Variants in MECOM observed in about 807,000 individuals in gnomAD.
MECOM encodes the protein MDS1 and EVI1 complex locus, also known as histone-lysine N-methyltransferase MECOM.
A neutral mutation model predicts 116.3 loss-of-function variants in MECOM; 13 were observed. The ratio of observed to expected loss-of-function variants is 0.11; its 90% confidence interval spans 0.07 to 0.18. The LOEUF (loss-of-function observed/expected upper bound fraction) is 0.18, where lower values mean the gene tolerates loss of function less well. MECOM is among the 10% of genes least tolerant of loss of function. The pLI, the probability that MECOM is intolerant of heterozygous loss-of-function variation, is 1.00. For missense variants in MECOM, 1,299 were observed against 1,509.0 expected (o/e 0.86, Z 2.31); for synonymous variants, 528 against 535.2 (o/e 0.99, Z 0.19).
chr3:169,401,368 T>C (rs980279374), intron 1 of MECOM, among the ~76,000 whole-genome samples: 2 of 148,696 alleles, frequency 1.3e-5, no homozygotes, highest in Admixed American at 1.3e-4. Context: ...GGTAAAATCA[T>C]CTCCAAGAGT....
chr3:169,344,878 G>A (rs1725088500), intron 2 of MECOM, among the ~76,000 whole-genome samples: 1 of 152,128 alleles, frequency 6.6e-6, no homozygotes, highest in Non-Finnish European at 1.5e-5. Flanking sequence ...ACAGCCAGAG[G>A]AAGAGGAAGA....
At chr3:169,398,083 C>A (rs1286489602) in intron 1 of MECOM, among the ~76,000 whole-genome samples, 1 of 152,120 alleles carries the variant, frequency 6.6e-6, no homozygotes, top group Non-Finnish European at 1.5e-5. Context: ...AAATGATATT[C>A]TTGGGACTGT....
At chr3:169,289,360 C>T (rs1714038142) in intron 2 of MECOM, among the ~76,000 whole-genome samples, 2 of 152,138 alleles carry the variant, frequency 1.3e-5, no homozygotes, top group Non-Finnish European at 2.9e-5. Flanking sequence ...TCATTGCCCA[C>T]TAATAGAGTA....
rs749226344 is a variant in MECOM at position 169,381,297 on chromosome 3, C to T, written c.265G>A (p.Gly89Arg). Residue 89 changes from glycine to arginine, a missense_variant, in exon 2 of 17, where the codon GGG (glycine) becomes AGG (arginine). Physicochemically the swap from Gly to Arg is moderately radical, Grantham distance 125. This residue lies in a region of MECOM where 374 missense variants were observed against 433.4 expected (regional missense o/e 0.86). Transcript: ENST00000651503. ...EFELRESNMP[G>R]AGLGIWTKRK... ...TTGGTCCATATTCCTAGTCCTGCCC[C>T]AGGCATATTTGACTCTCGAAGTTCA... The T allele has an allele frequency of 7.4e-6, 12 of 1,613,766 alleles. No homozygotes were observed. The South Asian group carries it at 1.2e-4, about 16-fold the overall frequency.
chr3:169,626,198 G>C (rs1473078557), intron 1 of MECOM, among the ~76,000 whole-genome samples: 4 of 152,174 alleles, frequency 2.6e-5, no homozygotes, highest in Admixed American at 1.3e-4. Flanking sequence ...GTATCTGTTT[G>C]CATTTGTGGT....
chr3:169,087,588 C>A lies in MECOM; in HGVS notation c.3585+1412G>T, dbSNP rs149250370. Among the ~76,000 whole-genome samples, 612 of 152,086 alleles carry A rather than the reference C, an allele frequency of 4.0e-3. 3 individuals are homozygous for A. Among genetic ancestry groups the A allele is most frequent in the South Asian group, 0.017 (80 of 4,816 alleles). ...CTCCAGTCTTAGCAGCTGAGTGAGA[C>A]CCTGTCTCAAAAACAAAGAAACAAG... is the stretch of plus-strand genomic sequence containing the variant. On this transcript the variant is annotated intron_variant, in intron 16 of 16. Transcript: ENST00000651503.
At chr3:169,109,588 T>C (rs922933639) in intron 9 of MECOM, among the ~76,000 whole-genome samples, 6 of 152,090 alleles carry the variant, frequency 3.9e-5, no homozygotes, top group Non-Finnish European at 7.4e-5. Flanking sequence ...CTAAATTTTT[T>C]TGTATTTAGT....
intron 1 of MECOM, among the ~76,000 whole-genome samples, chr3:169,602,156 G>T (rs190451594): frequency 6.6e-6 from 1 of 152,274 alleles, no homozygotes; most frequent in East Asian, 1.9e-4. Context: ...TTTGAATGGT[G>T]GTTTAAGTAA....
chr3:169,259,570 A>T (rs1198107841), intron 2 of MECOM, among the ~76,000 whole-genome samples: 2 of 151,562 alleles, frequency 1.3e-5, no homozygotes, highest in African/African-American at 2.4e-5. Flanking sequence ...AAAAATAATT[A>T]AAAAAAAATT....
intron 2 of MECOM, among the ~76,000 whole-genome samples, chr3:169,237,854 C>T (rs1489153319): frequency 6.6e-6 from 1 of 152,044 alleles, no homozygotes; most frequent in Non-Finnish European, 1.5e-5. Flanking sequence ...TACTTAACTT[C>T]ACAAATTTTC....
intron 2 of MECOM, among the ~76,000 whole-genome samples, chr3:169,299,859 A>AT (rs112743939): frequency 1.3e-5 from 2 of 152,104 alleles, no homozygotes; most frequent in Non-Finnish European, 2.9e-5. Flanking sequence ...AAATTGCATA[A>AT]TTTTTTTTAC....
intron 2 of MECOM, among the ~76,000 whole-genome samples, chr3:169,327,728 C>G (rs1475166925): frequency 6.6e-6 from 1 of 151,616 alleles, no homozygotes; most frequent in Non-Finnish European, 1.5e-5. Context: ...CTGCATATAT[C>G]TTTGGCAATG....
intron 2 of MECOM, among the ~76,000 whole-genome samples, chr3:169,349,647 C>T (rs1293636011): frequency 1.3e-5 from 2 of 151,914 alleles, no homozygotes; most frequent in Non-Finnish European, 2.9e-5. Context: ...AAAAGAAGAC[C>T]TGTATATTTC....
chr3:169,133,898 A>G, intron 3 of MECOM: 1 of 1,286,306 alleles, frequency 7.8e-7, no homozygotes, highest in Non-Finnish European at 1.0e-6. Context: ...ACTTCTCTCA[A>G]CAGTTTGAAT....
intron 2 of MECOM, chr3:169,145,084 C>T (rs1739379692): frequency 6.7e-7 from 1 of 1,502,256 alleles, no homozygotes; most frequent in Non-Finnish European, 8.9e-7. Flanking sequence ...AATTGAAGGG[C>T]AATAAGTCGT....
chr3:169,248,043 TAAA>T (rs1755814227), intron 2 of MECOM, among the ~76,000 whole-genome samples: 4 of 152,228 alleles, frequency 2.6e-5, no homozygotes, highest in Non-Finnish European at 5.9e-5. Context: ...TTGTGAAGAT[TAAA>T]TAAAATCATG....
chr3:169,517,830 TGA>T (rs1756830148), intron 1 of MECOM, among the ~76,000 whole-genome samples: 1 of 152,114 alleles, frequency 6.6e-6, no homozygotes, highest in Admixed American at 6.5e-5. Context: ...CAGACACATT[TGA>T]GTTCAAAAAA....
chr3:169,121,294 T>G (rs1730953434), intron 6 of MECOM, 85 bp from the exon 7 acceptor site: 2 of 1,381,590 alleles, frequency 1.4e-6, no homozygotes, highest in South Asian at 1.6e-5. Context: ...AGAAGAAATT[T>G]TTCTTATTTG....
chr3:169,185,686 AC>A (rs1483735723), intron 2 of MECOM, among the ~76,000 whole-genome samples: 4 of 152,170 alleles, frequency 2.6e-5, no homozygotes, highest in South Asian at 4.2e-4. Context: ...CATAATCTGT[AC>A]TCTTAGGGGA....
Sources: gnomAD v4.1 joint callset for allele counts (sites outside exome capture counted in the v4.1 genomes callset) on GRCh38, gnomAD v4.1.1 for gene constraint, gnomAD v4.1.1 regional missense constraint, MANE v1.5 for transcripts, NCBI Gene and HGNC (gene_info 2026-07-23, HGNC 2026-07-21) for gene names.